Variants in ROBO2 observed in about 807,000 individuals in gnomAD.
The protein encoded by ROBO2 is roundabout guidance receptor 2.
ROBO2 carries 53 observed loss-of-function variants against 160.8 expected under a neutral mutation model. That is an observed-to-expected ratio of 0.33 (90% CI 0.26 to 0.41). The LOEUF (loss-of-function observed/expected upper bound fraction) is 0.41. Ranked by LOEUF, ROBO2 falls within the 10% of genes least tolerant of loss-of-function variation. ROBO2 has a pLI of 1.00. For missense variants in ROBO2, 1,577 were observed against 1,722.4 expected (o/e 0.92, Z 1.49); for synonymous variants, 664 against 611.7 (o/e 1.09, Z -1.26).
At chr3:76,239,549 G>A (rs141662531) in intron 2 of ROBO2, among the ~76,000 whole-genome samples, 26 of 152,118 alleles carry the variant, frequency 1.7e-4, no homozygotes, top group African/African-American at 6.3e-4. Context: ...AAGTCCAGTC[G>A]GAATTCTCTT....
chr3:77,358,697 A>G (rs1187668118), intron 2 of ROBO2, among the ~76,000 whole-genome samples: 2 of 152,208 alleles, frequency 1.3e-5, no homozygotes, highest in Non-Finnish European at 2.9e-5. Flanking sequence ...AGTGTTTAGC[A>G]ATTTGTATTA....
intron 2 of ROBO2, among the ~76,000 whole-genome samples, chr3:76,150,372 G>A (rs2072131741): frequency 6.8e-6 from 1 of 146,592 alleles, no homozygotes; most frequent in African/African-American, 2.5e-5. Flanking sequence ...ACACACATCT[G>A]TCTAAAGCAC....
chr3:77,158,508 C>A (rs369918550), intron 2 of ROBO2, among the ~76,000 whole-genome samples: 1 of 152,110 alleles, frequency 6.6e-6, no homozygotes, highest in Non-Finnish European at 1.5e-5. Context: ...AAATTGAATA[C>A]ATTAAAAATG....
chr3:76,886,260 AT>A (rs111505455), intron 2 of ROBO2, among the ~76,000 whole-genome samples: 19,186 of 148,692 alleles, frequency 0.13, 1,730 homozygotes, highest in African/African-American at 0.26. Context: ...TTCCAAAAAA[AT>A]ATATATATAT....
intron 1 of ROBO2, among the ~76,000 whole-genome samples, chr3:77,067,281 G>A (rs2066958432): frequency 6.6e-6 from 1 of 152,086 alleles, no homozygotes; most frequent in Admixed American, 6.6e-5. Context: ...TATAGTGAGT[G>A]AGCACTAGTC....
rs1405747314 is a variant in ROBO2 at position 76,490,959 on chromosome 3, T to G, written c.109+553357T>G. 2.5e-5 allele frequency among the ~76,000 whole-genome samples: 2 copies of G among 80,938 alleles called. 1 individual carries two copies. Among genetic ancestry groups the G allele is most frequent in the Admixed American group, 2.8e-4 (2 of 7,062 alleles). The allele number at this position is 80,938 out of a possible 152,430, so 53.1% of individuals were successfully genotyped here. On this transcript the variant is annotated intron_variant, in intron 2 of 26. Coordinates refer to the ROBO2 transcript ENST00000487694. ...TGATCCTCAATGAAGATTAATTTTG[T>G]TTTTTTTTTGGAGGGGGAGATGGAG...
chr3:76,752,209 G>C (rs932804645), intron 2 of ROBO2, among the ~76,000 whole-genome samples: 11 of 149,634 alleles, frequency 7.4e-5, no homozygotes, highest in Admixed American at 6.7e-5. Flanking sequence ...AACACCGCAT[G>C]TTCTCACTCA....
At chr3:76,224,106 CAT>C (rs1704140808) in intron 2 of ROBO2, among the ~76,000 whole-genome samples, 1 of 152,156 alleles carries the variant, frequency 6.6e-6, no homozygotes, top group African/African-American at 2.4e-5. Flanking sequence ...TCTCTTATTA[CAT>C]ATCTACATAT....
chr3:77,614,300 T>C (rs571805235), intron 21 of ROBO2, among the ~76,000 whole-genome samples: 2 of 152,334 alleles, frequency 1.3e-5, no homozygotes, highest in South Asian at 4.1e-4. Context: ...TGAAATTTAA[T>C]TGTGATCTCC....
chr3:76,331,747 G>A (rs551485639), intron 2 of ROBO2, among the ~76,000 whole-genome samples: 1 of 149,452 alleles, frequency 6.7e-6, no homozygotes, highest in Non-Finnish European at 1.5e-5. Flanking sequence ...TGGAGTTCAC[G>A]ATCTCAACTC....
chr3:76,590,140 A>G (rs1403219315), intron 2 of ROBO2, among the ~76,000 whole-genome samples: 1 of 152,284 alleles, frequency 6.6e-6, no homozygotes, highest in East Asian at 1.9e-4. Context: ...AGTTTGTGCC[A>G]CTAAGTTTAA....
intron 2 of ROBO2, among the ~76,000 whole-genome samples, chr3:77,287,915 A>C (rs1427906598): frequency 1.3e-5 from 2 of 152,094 alleles, no homozygotes; most frequent in East Asian, 3.8e-4. Flanking sequence ...ATTTCATTTT[A>C]TTTTCCTTTA....
intron 2 of ROBO2, among the ~76,000 whole-genome samples, chr3:76,670,321 GT>G (rs34588032): frequency 0.021 from 2,996 of 145,864 alleles, 116 homozygotes; most frequent in African/African-American, 0.066. Context: ...CCTGTAGTAG[GT>G]TTTTTTTTTT....
chr3:77,252,831 A>AAAAAATATATATATATATATAT, intron 2 of ROBO2, among the ~76,000 whole-genome samples: 7 of 12,516 alleles, frequency 5.6e-4, no homozygotes, highest in African/African-American at 1.1e-3. Context: ...AAAAAAAAAA[A>AAAAAATATATATATATATATAT]ATATATATAT....
chr3:76,359,989 C>G (rs2108375648), intron 2 of ROBO2, among the ~76,000 whole-genome samples: 1 of 152,148 alleles, frequency 6.6e-6, no homozygotes, highest in East Asian at 1.9e-4. Context: ...GAATTTATGG[C>G]TATCATCTTT....
intron 2 of ROBO2, among the ~76,000 whole-genome samples, chr3:76,002,253 A>G (rs2065908277): frequency 6.6e-6 from 1 of 152,186 alleles, no homozygotes; most frequent in Non-Finnish European, 1.5e-5. Flanking sequence ...ACAGGGACAG[A>G]TAGGCATAGA....
At chr3:76,627,876 T>G (rs1056549690) in intron 2 of ROBO2, among the ~76,000 whole-genome samples, 4 of 152,184 alleles carry the variant, frequency 2.6e-5, no homozygotes, top group African/African-American at 9.7e-5. Flanking sequence ...ATTTTTTTCT[T>G]GTTTAATATT....
chr3:76,378,335 G>C (rs759973554), intron 2 of ROBO2, among the ~76,000 whole-genome samples: 1 of 152,086 alleles, frequency 6.6e-6, no homozygotes, highest in Non-Finnish European at 1.5e-5. Context: ...GATGTACAAG[G>C]TATAGTAATA....
intron 2 of ROBO2, among the ~76,000 whole-genome samples, chr3:76,283,889 C>A (rs1708373876): frequency 1.3e-5 from 2 of 151,932 alleles, no homozygotes; most frequent in Non-Finnish European, 2.9e-5. Flanking sequence ...CTATGAAAAT[C>A]TTATGAAGAG....
Sources: allele counts gnomAD v4.1 joint callset (sites outside exome capture counted in the v4.1 genomes callset), GRCh38; gene constraint gnomAD v4.1.1; transcripts MANE v1.5; gene names NCBI Gene and HGNC (gene_info 2026-07-23, HGNC 2026-07-21).